Variants in SPATA17 observed in about 807,000 individuals in gnomAD.
The protein encoded by SPATA17 is spermatogenesis associated 17.
Under a neutral mutation model 62.2 loss-of-function variants are expected in SPATA17, and 53 were observed. The observed-to-expected ratio is 0.85, with a 90% CI of 0.68 to 1.07. The LOEUF (loss-of-function observed/expected upper bound fraction) is 1.07. SPATA17 is among the 50% of genes least tolerant of loss of function. SPATA17 has a pLI of 0.00. For synonymous variants in SPATA17, 146 were observed against 146.8 expected (o/e 0.99, Z 0.04); for missense variants, 466 against 425.5 (o/e 1.10, Z -0.84).
At chr1:217,829,607 G>C (rs557922456) in intron 9 of SPATA17, among the ~76,000 whole-genome samples, 1 of 113,366 alleles carries the variant, frequency 8.8e-6, no homozygotes, top group African/African-American at 3.6e-5. Context: ...CAGCCTGGGT[G>C]ACAGAGCGAG....
intron 7 of SPATA17, among the ~76,000 whole-genome samples, chr1:217,776,562 G>GGCACAGT (rs1673593128): frequency 6.6e-6 from 1 of 151,796 alleles, no homozygotes; most frequent in Non-Finnish European, 1.5e-5. Flanking sequence ...AGCCAGGTGA[G>GGCACAGT]GCACAGTGGC....
chr1:217,712,009 T>G (rs1671877417), intron 5 of SPATA17, among the ~76,000 whole-genome samples: 1 of 152,168 alleles, frequency 6.6e-6, no homozygotes, highest in African/African-American at 2.4e-5. Flanking sequence ...GCAACTAGTT[T>G]TTTTTATAGT....
At chr1:217,643,168 T>G (rs1049610935) in intron 1 of SPATA17, among the ~76,000 whole-genome samples, 85 of 151,808 alleles carry the variant, frequency 5.6e-4, no homozygotes, top group African/African-American at 2.0e-3. Flanking sequence ...ATACGTTCAT[T>G]CTAGTTTTTT....
chr1:217,710,274 T>C (rs541082393), intron 5 of SPATA17, among the ~76,000 whole-genome samples: 2 of 152,264 alleles, frequency 1.3e-5, no homozygotes, highest in South Asian at 2.1e-4. Flanking sequence ...TAGACTGATA[T>C]GCAAAAACTG....
intron 6 of SPATA17, among the ~76,000 whole-genome samples, chr1:217,760,125 C>T (rs1246848187): frequency 2.0e-5 from 3 of 151,998 alleles, no homozygotes; most frequent in African/African-American, 7.3e-5. Context: ...TTGTATTGAC[C>T]AAATTATTTT....
At chr1:217,803,138 T>A (rs531396448) in intron 9 of SPATA17, among the ~76,000 whole-genome samples, 15 of 152,132 alleles carry the variant, frequency 9.9e-5, no homozygotes, top group Non-Finnish European at 4.4e-5. Flanking sequence ...GGTCTCCTTC[T>A]CCTGACCTGG....
chr1:217,777,056 G>T (rs182037102), intron 7 of SPATA17, among the ~76,000 whole-genome samples: 73 of 152,236 alleles, frequency 4.8e-4, no homozygotes, highest in Middle Eastern at 3.4e-3. Flanking sequence ...AGGGGCCCTT[G>T]GGAGTCATCC....
chr1:217,734,171 A>T (rs975896284), intron 5 of SPATA17, among the ~76,000 whole-genome samples: 2 of 152,124 alleles, frequency 1.3e-5, no homozygotes, highest in African/African-American at 4.8e-5. Flanking sequence ...TGACTTTTTT[A>T]TGGTTAGTAT....
At chr1:217,767,910 A>G (rs1425607883) in intron 6 of SPATA17, among the ~76,000 whole-genome samples, 2 of 152,140 alleles carry the variant, frequency 1.3e-5, no homozygotes, top group African/African-American at 4.8e-5. Flanking sequence ...AGTTTCACAC[A>G]CTAGTATGGC....
chr1:217,821,014 G>A (rs1674846187), intron 9 of SPATA17, among the ~76,000 whole-genome samples: 1 of 151,974 alleles, frequency 6.6e-6, no homozygotes, highest in African/African-American at 2.4e-5. Flanking sequence ...CAAGCTTGAG[G>A]GGCATCCCAA....
intron 8 of SPATA17, among the ~76,000 whole-genome samples, 168 bp from the exon 9 acceptor site, chr1:217,801,550 G>GA (rs1210537126): frequency 3.3e-5 from 5 of 152,138 alleles, no homozygotes; most frequent in Admixed American, 6.5e-5. Context: ...ATTAATAGAA[G>GA]TAATTAACAC....
chr1:217,821,113 G>A (rs1041983122), intron 9 of SPATA17, among the ~76,000 whole-genome samples: 5 of 152,074 alleles, frequency 3.3e-5, no homozygotes, highest in Admixed American at 6.6e-5. Context: ...AGCCATTCAT[G>A]AGGGATCTGT....
chr1:217,810,037 G>T (rs1375796495), intron 9 of SPATA17, among the ~76,000 whole-genome samples: 1 of 152,048 alleles, frequency 6.6e-6, no homozygotes, highest in Non-Finnish European at 1.5e-5. Flanking sequence ...TAAATGACTT[G>T]TGACATTAAG....
intron 9 of SPATA17, among the ~76,000 whole-genome samples, chr1:217,859,345 A>C (rs1675852114): frequency 6.7e-6 from 1 of 149,778 alleles, no homozygotes; most frequent in African/African-American, 2.4e-5. Flanking sequence ...GTAATTTTCT[A>C]TATATATAAT....
At chr1:217,786,677 C>T (rs1673871590) in intron 8 of SPATA17, among the ~76,000 whole-genome samples, 1 of 151,736 alleles carries the variant, frequency 6.6e-6, no homozygotes, top group Non-Finnish European at 1.5e-5. Flanking sequence ...TGCAGTGAAA[C>T]CCATTAGGAT....
chr1:217,685,534 AAG>A (rs952592524), intron 5 of SPATA17, among the ~76,000 whole-genome samples: 1 of 152,154 alleles, frequency 6.6e-6, no homozygotes. Context: ...CCAGGAATGG[AAG>A]TTGACTTTAA....
intron 5 of SPATA17, among the ~76,000 whole-genome samples, chr1:217,703,789 T>C (rs1671660276): frequency 6.6e-6 from 1 of 152,210 alleles, no homozygotes; most frequent in Admixed American, 6.5e-5. Context: ...TATTTTAACT[T>C]TTCTTTCTAG....
intron 6 of SPATA17, among the ~76,000 whole-genome samples, chr1:217,763,276 G>T (rs1462236716): frequency 6.6e-6 from 1 of 152,044 alleles, no homozygotes; most frequent in Non-Finnish European, 1.5e-5. Flanking sequence ...ATGAGAGAAA[G>T]AATAGAATAG....
intron 1 of SPATA17, among the ~76,000 whole-genome samples, chr1:217,645,013 G>A (rs952002465): frequency 2.0e-5 from 3 of 151,938 alleles, no homozygotes; most frequent in African/African-American, 7.3e-5. Flanking sequence ...TATTGTATGA[G>A]TATTCAGCAT....
Sources: gnomAD v4.1 joint callset for allele counts (sites outside exome capture counted in the v4.1 genomes callset) on GRCh38, gnomAD v4.1.1 for gene constraint, MANE v1.5 for transcripts, NCBI Gene and HGNC (gene_info 2026-07-23, HGNC 2026-07-21) for gene names.